HIPK2: variants seen among roughly 807,000 people sequenced by gnomAD.
HIPK2 encodes homeodomain-interacting protein kinase 2.
In HIPK2, 27 loss-of-function variants were observed where a neutral mutation model predicts 113.7. The observed-to-expected ratio is 0.24, with a 90% confidence interval of 0.17 to 0.33. The LOEUF (loss-of-function observed/expected upper bound fraction) is 0.33. HIPK2 is among the 10% of genes least tolerant of loss of function. The probability of loss-of-function intolerance (pLI) is 1.00; values close to 1 mark genes in which losing one functional copy is unlikely to be tolerated. For missense variants in HIPK2, 1,257 were observed against 1,588.0 expected, an observed-to-expected ratio of 0.79 and a Z score of 3.54; for synonymous variants, 631 against 642.2, an observed-to-expected ratio of 0.98 and a Z score of 0.26.
At chr7:139,695,269 G>A (rs1283127835) in intron 2 of HIPK2, among the ~76,000 whole-genome samples, 4 of 152,208 alleles carry the variant, frequency 2.6e-5, no homozygotes, top group Middle Eastern at 3.2e-3. Flanking sequence ...CCAGGGAGCC[G>A]TGGTCCTCGT....
intron 1 of HIPK2, among the ~76,000 whole-genome samples, chr7:139,719,166 T>A (rs770377911): frequency 7.9e-5 from 12 of 152,020 alleles, no homozygotes; most frequent in Non-Finnish European, 1.0e-4. Context: ...TGAGACAGAG[T>A]CTTGCTCTGT....
chr7:139,738,280 C>T (rs1290199605), intron 1 of HIPK2, among the ~76,000 whole-genome samples: 3 of 152,354 alleles, frequency 2.0e-5, no homozygotes, highest in South Asian at 2.1e-4. Context: ...TGTATGAGAG[C>T]GCCCTATTCT....
chr7:139,748,783 G>A (rs189572062), intron 1 of HIPK2, among the ~76,000 whole-genome samples: 7 of 152,140 alleles, frequency 4.6e-5, no homozygotes, highest in Admixed American at 2.6e-4. Flanking sequence ...TGGGGAGGGG[G>A]ACACAAAATT....
chr7:139,715,858 T>A, intron 2 of HIPK2, 74 bp downstream of exon 2: 1 of 1,539,438 alleles, frequency 6.5e-7, no homozygotes, highest in South Asian at 1.3e-5. Context: ...CTCCCCACAG[T>A]GACTAAGGTG....
At chr7:139,638,272 C>G (rs1436048458) in intron 2 of HIPK2, among the ~76,000 whole-genome samples, 1 of 152,192 alleles carries the variant, frequency 6.6e-6, no homozygotes, top group Non-Finnish European at 1.5e-5. Flanking sequence ...TCTCCCACCC[C>G]TAAGGGTGCA....
intron 1 of HIPK2, among the ~76,000 whole-genome samples, chr7:139,764,050 C>T (rs370963987): frequency 2.0e-5 from 3 of 152,126 alleles, no homozygotes; most frequent in Non-Finnish European, 2.9e-5. Flanking sequence ...TTATGAGAAA[C>T]GCATGTGTTA....
chr7:139,654,291 C>T (rs1585333532), intron 2 of HIPK2, among the ~76,000 whole-genome samples: 2 of 152,096 alleles, frequency 1.3e-5, no homozygotes, highest in African/African-American at 2.4e-5. Context: ...GCAAAAGGAT[C>T]GCTTGGGCCC....
intron 1 of HIPK2, among the ~76,000 whole-genome samples, chr7:139,741,118 G>A (rs535687644): frequency 1.3e-5 from 2 of 152,328 alleles, no homozygotes; most frequent in East Asian, 3.9e-4. Flanking sequence ...CTGCACTCCA[G>A]CCTGGGTGAG....
At chr7:139,735,983 T>G (rs912640416) in intron 1 of HIPK2, among the ~76,000 whole-genome samples, 4 of 151,972 alleles carry the variant, frequency 2.6e-5, no homozygotes, top group African/African-American at 9.7e-5. Context: ...TGCATTGCAG[T>G]GAGTGACAAA....
chr7:139,625,829 T>C (rs1007420323), intron 6 of HIPK2, among the ~76,000 whole-genome samples: 2 of 152,180 alleles, frequency 1.3e-5, no homozygotes, highest in Non-Finnish European at 2.9e-5. Flanking sequence ...TGCTCACCAC[T>C]GTACCCCGGC....
At chr7:139,677,984 T>C (rs1027524148) in intron 2 of HIPK2, among the ~76,000 whole-genome samples, 3 of 152,248 alleles carry the variant, frequency 2.0e-5, no homozygotes, top group Non-Finnish European at 2.9e-5. Flanking sequence ...TGATGAGCTT[T>C]TTTTCATATG....
intron 2 of HIPK2, among the ~76,000 whole-genome samples, chr7:139,705,587 C>T (rs958454545): frequency 6.6e-6 from 1 of 152,110 alleles, no homozygotes; most frequent in Non-Finnish European, 1.5e-5. Flanking sequence ...CCATGTTAGC[C>T]AGGATGGTCT....
rs1216541927 is a variant in HIPK2 at position 139,631,337 on chromosome 7, G to A, written c.1228-53C>T. On this transcript the variant is annotated intron_variant, in intron 3 of 14. Transcript: ENST00000406875. The surrounding 1 kb of genome is among the most constrained non-coding windows in gnomAD (Gnocchi z 4.9). Reference sequence around the variant, plus strand: ...GGGCTTTTCCTGTCACTATACATATGGTATACTAATGGCTCTGCTGGCTTT... The same window carrying A: ...GGGCTTTTCCTGTCACTATACATATAGTATACTAATGGCTCTGCTGGCTTT... 143 of 1,564,412 alleles carry A rather than the reference G, an allele frequency of 9.1e-5. 8 individuals are homozygous for A. In the South Asian group the frequency reaches 1.7e-3, roughly 18 times the overall value.
In HIPK2 at chr7:139,604,550, G is replaced by A. The variant is rs11763866; in HGVS notation, c.2113-327C>T. Among the ~76,000 whole-genome samples, 1,316 of 151,872 alleles carry A rather than the reference G, an allele frequency of 8.7e-3. 6 individuals are homozygous for A. Among genetic ancestry groups the A allele is most frequent in the Non-Finnish European group, 0.015 (1,011 of 67,914 alleles). ...CAAAAAATTAGCTGGGCGTGGTAGCGGGCACCTGTAGTCCCAGCTACTTGG... is the reference window on the plus strand; with the variant it reads ...CAAAAAATTAGCTGGGCGTGGTAGCAGGCACCTGTAGTCCCAGCTACTTGG... On this transcript the variant is annotated intron_variant, in intron 9 of 14. Transcript: ENST00000406875.
At chr7:139,655,951 G>C (rs886520275) in intron 2 of HIPK2, among the ~76,000 whole-genome samples, 3 of 152,062 alleles carry the variant, frequency 2.0e-5, no homozygotes, top group African/African-American at 4.8e-5. Context: ...GCTGCTTTTG[G>C]GACTCAGGGG....
At position 139,564,286 on chromosome 7, in the gene HIPK2, G is replaced by A. The variant is rs146196505; in HGVS notation, c.*8641C>T. The A allele has an allele frequency of 1.8e-3, 384 of 208,436 alleles. 7 individuals are homozygous for A. The Admixed American group carries it at 0.02, about 11-fold the overall frequency. 12.9% of individuals were successfully genotyped at this position (208,436 alleles called of 1,614,324 possible). A position where few individuals can be genotyped will look rare whatever the true frequency, so the allele number is the denominator to read the frequency against. ...GGTATATGGTCCTCCCCTACAAAAC[G>A]CTGATCAAAATATCACCCCCGGCCC... On this transcript the variant is annotated 3_prime_UTR_variant, in exon 15 of 15. Coordinates refer to ENST00000406875, the MANE Select transcript of HIPK2 (RefSeq NM_022740.5).
Position 139,625,612 on chromosome 7 carries a change from C to T in HIPK2, c.1619+989G>A, listed in dbSNP as rs557008863. 1.7e-4 allele frequency among the ~76,000 whole-genome samples: 26 copies of T among 152,350 alleles called. 1 individual carries two copies. In the South Asian group the frequency reaches 4.8e-3, roughly 28 times the overall value. ...CCTGTCCATACAGGCAATGCCCTGC[C>T]TGCTCATGCCCATCCTCTTCCTCAT... On this transcript the variant is annotated intron_variant, in intron 6 of 14. Coordinates refer to ENST00000406875, the MANE Select transcript of HIPK2 (RefSeq NM_022740.5).
chr7:139,622,004 T>C (rs1163892973), intron 6 of HIPK2, among the ~76,000 whole-genome samples: 1 of 150,984 alleles, frequency 6.6e-6, no homozygotes, highest in Admixed American at 6.6e-5. Flanking sequence ...ATTTTAATTA[T>C]AAAAAATGTA....
chr7:139,669,556 C>CA (rs745901038), intron 2 of HIPK2, among the ~76,000 whole-genome samples: 61 of 134,366 alleles, frequency 4.5e-4, no homozygotes, highest in Non-Finnish European at 6.9e-4. Context: ...TGGTATCTGG[C>CA]AAATAGAGAT....
Sources: gnomAD v4.1 joint callset for allele counts (sites outside exome capture counted in the v4.1 genomes callset) on GRCh38, gnomAD v4.1.1 for gene constraint, Gnocchi (gnomAD v3.1) non-coding constraint, MANE v1.5 for transcripts, NCBI Gene and HGNC (gene_info 2026-07-23, HGNC 2026-07-21) for gene names.